Variants in FMN2 observed in about 807,000 individuals in gnomAD.
FMN2 encodes the protein formin 2.
Under a neutral mutation model 142.3 loss-of-function variants are expected in FMN2, and 51 were observed. The observed-to-expected ratio is 0.36, with a 90% confidence interval of 0.29 to 0.45. The LOEUF is 0.45. Among genes scored for constraint, FMN2 ranks in the 20% least tolerant of loss-of-function variants. The pLI is 1.00. For missense variants in FMN2, 1,936 were observed against 2,122.8 expected, an observed-to-expected ratio of 0.91 and a Z score of 1.73; for synonymous variants, 882 against 869.8, an observed-to-expected ratio of 1.01 and a Z score of -0.25.
At chr1:240,426,013 T>A (rs1409092380) in intron 15 of FMN2, among the ~76,000 whole-genome samples, 2 of 152,166 alleles carry the variant, frequency 1.3e-5, no homozygotes, top group Admixed American at 1.3e-4. Flanking sequence ...TAAATAATAC[T>A]TGAACGAGAG....
At chr1:240,213,180 G>A (rs1372931545) in intron 6 of FMN2, among the ~76,000 whole-genome samples, 1 of 152,152 alleles carries the variant, frequency 6.6e-6, no homozygotes, top group Non-Finnish European at 1.5e-5. Context: ...ATCATCTTAA[G>A]ATAATCTCCT....
intron 4 of FMN2, among the ~76,000 whole-genome samples, chr1:240,194,059 G>T (rs989267026): frequency 1.0e-4 from 15 of 147,672 alleles, no homozygotes; most frequent in African/African-American, 2.6e-4. Context: ...TTTGTTTTTT[G>T]TTGTTGTTGT....
chr1:240,123,192 G>A lies in FMN2; in HGVS notation c.1629G>A (p.Leu543=). The change falls in exon 2 of 18, where the codon TTG becomes TTA. Residue 543 remains leucine, a synonymous_variant. Transcript: ENST00000319653. The part of the protein sequence containing the change: ...FQNVFTGRTL[L]EKLFSQQENG... ...TTTCATCTGCAGGGCGAACGCTGTTGGAGAAGCTGTTCAGCCAGCAGGAGA... is the reference window on the plus strand; with the variant it reads ...TTTCATCTGCAGGGCGAACGCTGTTAGAGAAGCTGTTCAGCCAGCAGGAGA... 6.2e-7 allele frequency: 1 copy of A among 1,614,186 alleles called. No individual in the cohort carries two copies. The highest frequency in any genetic ancestry group is 2.2e-5 in the East Asian group (1 of 44,862).
intron 13 of FMN2, among the ~76,000 whole-genome samples, chr1:240,342,861 A>G (rs1671786139): frequency 6.6e-6 from 1 of 152,222 alleles, no homozygotes; most frequent in Non-Finnish European, 1.5e-5. Context: ...ACTATACAGT[A>G]TACAATTTTT....
chr1:240,225,713 CATT>C (rs1352322637), intron 6 of FMN2, among the ~76,000 whole-genome samples: 1 of 152,090 alleles, frequency 6.6e-6, no homozygotes, highest in East Asian at 1.9e-4. Context: ...GCAACAGAAA[CATT>C]ATTCAAAAGG....
chr1:240,429,955 A>G (rs1675088461), intron 15 of FMN2, among the ~76,000 whole-genome samples: 1 of 148,852 alleles, frequency 6.7e-6, no homozygotes, highest in Non-Finnish European at 1.5e-5. Context: ...GTGCGATCTC[A>G]GCTCACTGCA....
At chr1:240,464,491 A>G (rs946219754) in intron 16 of FMN2, among the ~76,000 whole-genome samples, 2 of 152,220 alleles carry the variant, frequency 1.3e-5, no homozygotes, top group African/African-American at 2.4e-5. Context: ...ATATCTGTGC[A>G]TTAATTTTAT....
At chr1:240,290,938 C>G (rs1029549286) in intron 7 of FMN2, among the ~76,000 whole-genome samples, 4 of 151,712 alleles carry the variant, frequency 2.6e-5, no homozygotes, top group Non-Finnish European at 2.9e-5. Flanking sequence ...CTTAGCCTCC[C>G]GAGTAGCTGG....
At chr1:240,416,260 C>CTTTTT (rs1674572066) in intron 15 of FMN2, among the ~76,000 whole-genome samples, 1 of 71,862 alleles carries the variant, frequency 1.4e-5, no homozygotes, top group African/African-American at 4.4e-5. Flanking sequence ...TCCCTTTCCA[C>CTTTTT]TCTTTTTTTT....
At chr1:240,225,191 G>A (rs562634881) in intron 6 of FMN2, among the ~76,000 whole-genome samples, 1 of 152,308 alleles carries the variant, frequency 6.6e-6, no homozygotes, top group South Asian at 2.1e-4. Context: ...CAGTCTGAAA[G>A]CTGTGTACAT....
At chr1:240,202,264 G>T (rs1450481491) in intron 4 of FMN2, among the ~76,000 whole-genome samples, 1 of 152,076 alleles carries the variant, frequency 6.6e-6, no homozygotes. Flanking sequence ...TCTGGTACTG[G>T]GTATCATGTG....
chr1:240,159,974 T>TATATACACACACACACAC (rs1202421069), intron 2 of FMN2, among the ~76,000 whole-genome samples: 6 of 134,084 alleles, frequency 4.5e-5, no homozygotes, highest in African/African-American at 1.4e-4. Context: ...TATATATATA[T>TATATACACACACACACAC]ACACACACAC....
intron 1 of FMN2, among the ~76,000 whole-genome samples, chr1:240,104,507 T>C (rs1329514858): frequency 6.6e-6 from 1 of 152,188 alleles, no homozygotes; most frequent in African/African-American, 2.4e-5. Context: ...CCCTGCATTT[T>C]CACTTCCCAT....
At chr1:240,472,065 TA>T in intron 16 of FMN2, 1 of 236,264 alleles carries the variant, frequency 4.2e-6, no homozygotes, top group Admixed American at 5.9e-5. Flanking sequence ...TTTTTACTTG[TA>T]TATAAGATTC....
At chr1:240,252,610 G>A (rs953391414) in intron 6 of FMN2, among the ~76,000 whole-genome samples, 6 of 146,828 alleles carry the variant, frequency 4.1e-5, no homozygotes, top group Non-Finnish European at 8.9e-5. Flanking sequence ...TAAGGTTTTT[G>A]CTGAGAAATC....
chr1:240,311,192 T>C (rs936631156), intron 8 of FMN2, among the ~76,000 whole-genome samples: 1 of 152,180 alleles, frequency 6.6e-6, no homozygotes, highest in African/African-American at 2.4e-5. Context: ...TGCTTAAAGA[T>C]TACTAGGGTA....
At chr1:240,096,662 A>T (rs1350870397) in intron 1 of FMN2, among the ~76,000 whole-genome samples, 1 of 152,240 alleles carries the variant, frequency 6.6e-6, no homozygotes, top group Non-Finnish European at 1.5e-5. Flanking sequence ...GCAGGTGATC[A>T]TTATATCTAT....
rs540960951 is a variant in FMN2 at position 240,202,120 on chromosome 1, C to G, written c.1987-4679C>G. On this transcript the variant is annotated intron_variant, in intron 4 of 17. Coordinates refer to ENST00000319653, the MANE Select transcript of FMN2 (RefSeq NM_020066.5). ...TGTGGTTGCATCTAATTGGATGAATCTAGCTGCAAGGGAGTCTGCAAATGT... is the reference window on the plus strand; with the variant it reads ...TGTGGTTGCATCTAATTGGATGAATGTAGCTGCAAGGGAGTCTGCAAATGT... Among the ~76,000 whole-genome samples, 39 of 152,302 alleles carry G rather than the reference C, an allele frequency of 2.6e-4. 1 individual carries two copies. The highest frequency in any genetic ancestry group is 9.4e-4 in the African/African-American group (39 of 41,558).
intron 6 of FMN2, among the ~76,000 whole-genome samples, chr1:240,255,961 A>C (rs992526327): frequency 6.6e-6 from 1 of 152,198 alleles, no homozygotes; most frequent in Non-Finnish European, 1.5e-5. Flanking sequence ...AATCAGAATA[A>C]TTCATCTTCA....
Sources: gnomAD v4.1 joint callset for allele counts (sites outside exome capture counted in the v4.1 genomes callset) on GRCh38, gnomAD v4.1.1 for gene constraint, MANE v1.5 for transcripts, NCBI Gene and HGNC (gene_info 2026-07-23, HGNC 2026-07-21) for gene names.